The following NAV2 variants were observed in gnomAD, a reference collection of about 807,000 sequenced individuals.
NAV2 encodes helicase, APC down-regulated 1.
Under a neutral mutation model 223.2 loss-of-function variants are expected in NAV2, and 54 were observed. That is an observed-to-expected ratio of 0.24 (90% CI 0.19 to 0.30). The LOEUF (loss-of-function observed/expected upper bound fraction) is 0.30, where lower values mean the gene tolerates loss of function less well. Ranked by LOEUF, NAV2 falls within the 10% of genes least tolerant of loss-of-function variation. The pLI is 1.00. For missense variants in NAV2, 2,806 were observed against 3,147.5 expected (o/e 0.89, Z 2.60); for synonymous variants, 1,279 against 1,239.3 (o/e 1.03, Z -0.67).
In NAV2 at chr11:19,694,784, G is replaced by A. The variant is rs539894547; in HGVS notation, c.76-137700G>A. On this transcript the variant is annotated intron_variant, in intron 1 of 37. Transcript: ENST00000360655. The stretch of plus-strand genomic sequence containing the variant: ...CCCAAGGGACCAACAGCTATTGCTC[G>A]TCTAAGTCCATTTGGCAGCAAGCTA... Among the ~76,000 whole-genome samples the A allele has an allele frequency of 6.5e-4, 99 of 152,278 alleles. 1 individual carries two copies. The highest frequency in any genetic ancestry group is 9.7e-4 in the Non-Finnish European group (66 of 68,026).
chr11:19,857,291 G>T (rs1387980203), intron 3 of NAV2, among the ~76,000 whole-genome samples: 1 of 152,208 alleles, frequency 6.6e-6, no homozygotes, highest in Non-Finnish European at 1.5e-5. Context: ...AGATGCCAAA[G>T]AAACAATCCA....
At chr11:19,603,937 T>A (rs556601750) in intron 1 of NAV2, among the ~76,000 whole-genome samples, 1 of 152,208 alleles carries the variant, frequency 6.6e-6, no homozygotes, top group East Asian at 1.9e-4. Context: ...AAGAGTGTTC[T>A]GGGCAGAGGG....
chr11:19,491,511 A>C (rs975729458), intron 1 of NAV2, among the ~76,000 whole-genome samples: 3 of 152,188 alleles, frequency 2.0e-5, no homozygotes, highest in Admixed American at 6.5e-5. Flanking sequence ...TACTAGCTTC[A>C]GACTTTTCCT....
chr11:19,396,379 T>C (rs181748312), intron 1 of NAV2, among the ~76,000 whole-genome samples: 1 of 152,234 alleles, frequency 6.6e-6, no homozygotes, highest in African/African-American at 2.4e-5. Flanking sequence ...CCCAGTGGTG[T>C]CTGCCTTAGG....
chr11:19,770,968 T>G (rs1266840467), intron 1 of NAV2, among the ~76,000 whole-genome samples: 1 of 152,188 alleles, frequency 6.6e-6, no homozygotes, highest in Non-Finnish European at 1.5e-5. Context: ...TGGCTTCCCG[T>G]TTCAGTGCAG....
chr11:19,624,671 G>A (rs544573474), intron 1 of NAV2, among the ~76,000 whole-genome samples: 2 of 152,338 alleles, frequency 1.3e-5, no homozygotes, highest in South Asian at 4.1e-4. Flanking sequence ...CCCTTGGCTA[G>A]GAAAGGGAAT....
chr11:19,716,467 A>C (rs2050325583), intron 1 of NAV2, among the ~76,000 whole-genome samples: 1 of 152,244 alleles, frequency 6.6e-6, no homozygotes. Context: ...ACTTAATAAA[A>C]GTAGCTATTT....
intron 1 of NAV2, among the ~76,000 whole-genome samples, chr11:19,588,285 G>T (rs904590028): frequency 2.0e-5 from 3 of 152,146 alleles, no homozygotes; most frequent in Non-Finnish European, 4.4e-5. Context: ...TTTCATTACA[G>T]AGAAATTTAA....
intron 1 of NAV2, among the ~76,000 whole-genome samples, chr11:19,527,823 G>A (rs1006346273): frequency 1.3e-5 from 2 of 152,028 alleles, no homozygotes; most frequent in East Asian, 1.9e-4. Flanking sequence ...CTTCTGACTG[G>A]TCAAGCCCAC....
chr11:19,401,930 G>A (rs946739926), intron 1 of NAV2: 4 of 152,186 alleles, frequency 2.6e-5, no homozygotes, highest in African/African-American at 9.7e-5. Context: ...ACCCTGCTTA[G>A]CTTCTGAGAT....
chr11:20,054,390 T>C (rs1288817312), intron 18 of NAV2, 150 bp downstream of exon 18: 6 of 695,312 alleles, frequency 8.6e-6, no homozygotes, highest in African/African-American at 1.8e-5. Context: ...TTCTGAGATT[T>C]TGGTGCACCC....
At chr11:19,425,233 A>G (rs1326981307) in intron 1 of NAV2, among the ~76,000 whole-genome samples, 1 of 152,240 alleles carries the variant, frequency 6.6e-6, no homozygotes, top group Admixed American at 6.5e-5. Context: ...TTAAGGATGA[A>G]TAGAATTGAG....
intron 11 of NAV2, among the ~76,000 whole-genome samples, chr11:20,018,107 A>T (rs1201963186): frequency 6.6e-6 from 1 of 152,176 alleles, no homozygotes; most frequent in African/African-American, 2.4e-5. Context: ...TAATCCCAGC[A>T]CTTTGGGAGG....
intron 10 of NAV2, among the ~76,000 whole-genome samples, chr11:19,981,069 T>C (rs2153448536): frequency 6.6e-6 from 1 of 152,332 alleles, no homozygotes; most frequent in Non-Finnish European, 1.5e-5. Context: ...ATAAGTGAAA[T>C]AGACTTGCAG....
intron 1 of NAV2, among the ~76,000 whole-genome samples, chr11:19,596,174 G>A (rs534231521): frequency 6.6e-6 from 1 of 152,324 alleles, no homozygotes; most frequent in South Asian, 2.1e-4. Flanking sequence ...AGGCTGGCAT[G>A]GGGAATGATA....
rs186541460 is a variant in NAV2, at chr11:20,090,255, G to A, written c.5499-610G>A. ...TAAGCTGACCCTGCTTCTCTGAGTC[G>A]GTTTGGAACTCAAGGGCGTGTGGTG... On this transcript the variant is annotated intron_variant, in intron 26 of 37. Coordinates refer to ENST00000349880, the MANE Select transcript of NAV2 (RefSeq NM_145117.5). 9.2e-4 allele frequency among the ~76,000 whole-genome samples: 140 copies of A among 152,236 alleles called. 2 individuals are homozygous for A. The highest frequency in any genetic ancestry group is 2.6e-3 in the Admixed American group (40 of 15,290).
chr11:19,499,451 T>C (rs774206577), intron 1 of NAV2, among the ~76,000 whole-genome samples: 1 of 152,072 alleles, frequency 6.6e-6, no homozygotes, highest in Non-Finnish European at 1.5e-5. Flanking sequence ...AAGGGAGAAA[T>C]GTTGTGAGTC....
intron 19 of NAV2, among the ~76,000 whole-genome samples, chr11:20,059,611 G>A (rs2058580202): frequency 6.6e-6 from 1 of 152,084 alleles, no homozygotes; most frequent in Non-Finnish European, 1.5e-5. Context: ...AAAAGAATCA[G>A]AAACCAGTAC....
intron 1 of NAV2, chr11:19,505,162 G>C (rs2043084947): frequency 6.6e-6 from 1 of 152,262 alleles, no homozygotes; most frequent in Non-Finnish European, 1.5e-5. Flanking sequence ...GGAGGTTACT[G>C]CGTGAGCACA....
Sources: gnomAD v4.1 joint callset for allele counts (sites outside exome capture counted in the v4.1 genomes callset) on GRCh38, gnomAD v4.1.1 for gene constraint, MANE v1.5 for transcripts, NCBI Gene and HGNC (gene_info 2026-07-23, HGNC 2026-07-21) for gene names.